NMBR: variants seen among roughly 807,000 people sequenced by gnomAD.
The protein encoded by NMBR is neuromedin B receptor.
A neutral mutation model predicts 20.5 loss-of-function variants in NMBR; 16 were observed. The observed-to-expected ratio is 0.78, with a 90% CI of 0.53 to 1.19. The LOEUF (loss-of-function observed/expected upper bound fraction) is 1.19. Ranked by LOEUF, NMBR falls within the 50% of genes most tolerant of loss-of-function variation. The pLI, the probability that NMBR is intolerant of heterozygous loss-of-function variation, is 0.00. For missense variants in NMBR, 582 were observed against 499.1 expected, an observed-to-expected ratio of 1.17 and a Z score of -1.58; for synonymous variants, 212 against 196.6, an observed-to-expected ratio of 1.08 and a Z score of -0.65.
chr6:142,134,440 G>T, intron 1 of NMBR: 1 of 442,916 alleles, frequency 2.3e-6, no homozygotes, highest in Non-Finnish European at 4.0e-6. Context: ...TTTTAAATTA[G>T]ACTCTGTTGA....
chr6:142,129,625 G>C (rs762179671), intron 1 of NMBR, among the ~76,000 whole-genome samples: 4 of 151,952 alleles, frequency 2.6e-5, no homozygotes, highest in African/African-American at 9.7e-5. Context: ...TGGAATTTGC[G>C]TCTGTTATTT....
Position 142,079,030 on chromosome 6 carries a change from A to C in NMBR, c.423-127T>G, listed in dbSNP as rs541414821. ...AAAGGAAGAAAGGGAGAGAGAGAGA[A>C]AGAAAGAAAGAGAGAAAGAAAGAGA... is the stretch of plus-strand genomic sequence containing the variant. On this transcript the variant is annotated intron_variant, in intron 2 of 3. Coordinates refer to ENST00000258042, the MANE Select transcript of NMBR (RefSeq NM_002511.4). 8 of 514,640 alleles carry C rather than the reference A, an allele frequency of 1.6e-5. No individual in the cohort carries two copies. In the South Asian group the frequency reaches 3.7e-4, roughly 24 times the overall value. The allele number at this position is 514,640 out of a possible 1,614,324, so 31.9% of individuals were successfully genotyped here. A position where few individuals can be genotyped will look rare whatever the true frequency, so the allele number is the denominator to read the frequency against.
At chr6:142,094,931 A>G (rs1777414068) in intron 1 of NMBR, among the ~76,000 whole-genome samples, 1 of 152,054 alleles carries the variant, frequency 6.6e-6, no homozygotes, top group Non-Finnish European at 1.5e-5. Flanking sequence ...ATGGGAATTC[A>G]CTCATGATTT....
intron 1 of NMBR, among the ~76,000 whole-genome samples, chr6:142,127,314 T>C (rs192294754): frequency 5.9e-5 from 9 of 152,070 alleles, no homozygotes; most frequent in Admixed American, 5.9e-4. Flanking sequence ...GTGGACTTAT[T>C]TTGGGGATCC....
chr6:142,124,928 C>T (rs930550567), intron 1 of NMBR, among the ~76,000 whole-genome samples: 1 of 151,890 alleles, frequency 6.6e-6, no homozygotes, highest in Non-Finnish European at 1.5e-5. Flanking sequence ...GAAATGGAAA[C>T]ATACCCCAGA....
intron 1 of NMBR, among the ~76,000 whole-genome samples, chr6:142,135,547 A>C (rs961806473): frequency 6.6e-6 from 1 of 151,584 alleles, no homozygotes; most frequent in Non-Finnish European, 1.5e-5. Context: ...CACAATGTGC[A>C]GGTTAGTTAC....
intron 1 of NMBR, among the ~76,000 whole-genome samples, chr6:142,094,943 GT>G (rs1462900942): frequency 2.0e-5 from 3 of 152,186 alleles, no homozygotes; most frequent in African/African-American, 7.2e-5. Flanking sequence ...TCATGATTTG[GT>G]TCTCTGTTTG....
rs749996093 is a variant in NMBR at position 142,134,682 on chromosome 6, A to G, written c.-664+12362T>C. On this transcript the variant is annotated intron_variant, in intron 1 of 3. Coordinates refer to ENST00000258042, the MANE Select transcript of NMBR (RefSeq NM_002511.4). ...TCTCTGTTTTATTAAGAATTAGTCT[A>G]GCGGCAATAGCATTCTGGCTTCAGA... 1.1e-5 allele frequency: 8 copies of G among 696,034 alleles called. No homozygotes were observed. In the South Asian group the frequency reaches 1.2e-4, roughly 11 times the overall value. 43.1% of individuals were successfully genotyped at this position (696,034 alleles called of 1,614,324 possible).
At chr6:142,117,514 A>T (rs2114594982) in intron 1 of NMBR, among the ~76,000 whole-genome samples, 1 of 152,068 alleles carries the variant, frequency 6.6e-6, no homozygotes, top group South Asian at 2.1e-4. Context: ...TTCAAAAGCT[A>T]AATTTGTCTC....
intron 1 of NMBR, among the ~76,000 whole-genome samples, chr6:142,125,335 G>A (rs1353834876): frequency 6.6e-6 from 1 of 151,640 alleles, no homozygotes; most frequent in Non-Finnish European, 1.5e-5. Context: ...TGTAAAATAA[G>A]CCAAGACAGT....
At chr6:142,141,741 G>A (rs1395856163) in intron 1 of NMBR, among the ~76,000 whole-genome samples, 3 of 152,114 alleles carry the variant, frequency 2.0e-5, no homozygotes, top group Non-Finnish European at 2.9e-5. Flanking sequence ...CTGACCCCGC[G>A]ATTCACCGGC....
At chr6:142,091,759 T>C (rs747137526) in intron 1 of NMBR, among the ~76,000 whole-genome samples, 8 of 152,166 alleles carry the variant, frequency 5.3e-5, no homozygotes, top group Non-Finnish European at 1.0e-4. Context: ...AGCAATTATG[T>C]CAAAAAAATG....
rs1169192783 is a variant in NMBR, at chr6:142,075,986, A to G, written c.835T>C (p.Trp279Arg). The change falls in exon 4 of 4, where the codon TGG becomes CGG. Residue 279 changes from tryptophan to arginine, a missense_variant. By Grantham distance (101) the Trp-to-Arg change is moderately radical. Transcript: ENST00000258042. ...LVFVGCFIFCWFPNHILYMYR... is the reference protein window; with the variant it reads ...LVFVGCFIFCRFPNHILYMYR... The stretch of plus-strand genomic sequence containing the variant: ...ATGTAAAGGATGTGGTTTGGAAACC[A>G]ACAGAAGATGAAACAGCCCACAAAG... 3 of 1,612,308 alleles carry G rather than the reference A, an allele frequency of 1.9e-6. No individual in the cohort carries two copies. The highest frequency in any genetic ancestry group is 1.7e-6 in the Non-Finnish European group (2 of 1,179,420).
chr6:142,134,295 A>G (rs1249044403), intron 1 of NMBR, among the ~76,000 whole-genome samples: 3 of 152,316 alleles, frequency 2.0e-5, no homozygotes. Context: ...GTCTAATAAA[A>G]TAAACTACTT....
chr6:142,091,107 A>ATTTATTAAAT (rs1777313685), intron 1 of NMBR, among the ~76,000 whole-genome samples: 1 of 152,218 alleles, frequency 6.6e-6, no homozygotes, highest in Non-Finnish European at 1.5e-5. Flanking sequence ...AATGTTATAA[A>ATTTATTAAAT]GTTATAATAA....
At position 142,078,850 on chromosome 6, in the gene NMBR, C is replaced by G. The variant is rs201747486; in HGVS notation, c.476G>C (p.Arg159Pro). The change falls in exon 3 of 4, where the codon CGG becomes CCG. Residue 159 changes from arginine (R) to proline (P), a missense_variant. Physicochemically the swap from Arg to Pro is moderately radical, Grantham distance 103. Transcript: ENST00000258042. ...MDMQTSGALL[R>P]TCVKAMGIWV... is the part of the protein sequence containing the mutation. The stretch of plus-strand genomic sequence containing the variant: ...GATACCCATGGCCTTCACACAGGTC[C>G]GCAGCAATGCCCCTGACGTCTGCAT... 3.2e-5 allele frequency: 51 copies of G among 1,613,460 alleles called. No homozygotes were observed. The Admixed American group carries it at 8.2e-4, about 26-fold the overall frequency.
chr6:142,111,132 C>G (rs1777756035), intron 1 of NMBR, among the ~76,000 whole-genome samples: 1 of 151,792 alleles, frequency 6.6e-6, no homozygotes, highest in Non-Finnish European at 1.5e-5. Context: ...CCCAACTACT[C>G]AGGAGTCTGA....
chr6:142,133,044 G>A, intron 1 of NMBR: 1 of 505,302 alleles, frequency 2.0e-6, no homozygotes, highest in South Asian at 3.2e-5. Context: ...AGTGATGAGT[G>A]TTTTCTGCTG....
At chr6:142,111,684 T>C (rs1160378119) in intron 1 of NMBR, among the ~76,000 whole-genome samples, 1 of 152,162 alleles carries the variant, frequency 6.6e-6, no homozygotes, top group East Asian at 1.9e-4. Context: ...GGATGAAAAT[T>C]GAATAGTGAA....
Sources: gnomAD v4.1 joint callset for allele counts (sites outside exome capture counted in the v4.1 genomes callset) on GRCh38, gnomAD v4.1.1 for gene constraint, MANE v1.5 for transcripts, NCBI Gene and HGNC (gene_info 2026-07-23, HGNC 2026-07-21) for gene names.